The following MPPED2 variants were observed in gnomAD, a reference collection of about 807,000 sequenced individuals.
The protein encoded by MPPED2 is metallophosphoesterase MPPED2.
A neutral mutation model predicts 33.0 loss-of-function variants in MPPED2; 5 were observed. That is an observed-to-expected ratio of 0.15 (90% CI 0.08 to 0.32). The LOEUF is 0.32. Ranked by LOEUF, MPPED2 falls within the 10% of genes least tolerant of loss-of-function variation. The probability of loss-of-function intolerance (pLI) is 1.00; values close to 1 mark genes in which losing one functional copy is unlikely to be tolerated. For synonymous variants in MPPED2, 136 were observed against 141.9 expected, an observed-to-expected ratio of 0.96 and a Z score of 0.29; for missense variants, 275 against 372.1, an observed-to-expected ratio of 0.74 and a Z score of 2.15.
chr11:30,447,527 G>A (rs1184731506), intron 4 of MPPED2, among the ~76,000 whole-genome samples: 1 of 152,154 alleles, frequency 6.6e-6, no homozygotes, highest in African/African-American at 2.4e-5. Context: ...GTTGTAATAG[G>A]AGCCGAGCAG....
intron 4 of MPPED2, among the ~76,000 whole-genome samples, chr11:30,492,676 G>T (rs181131645): frequency 1.3e-4 from 19 of 146,312 alleles, no homozygotes; most frequent in Admixed American, 9.7e-4. Context: ...CCTTTACCAC[G>T]TTCTCACACA....
chr11:30,558,143 C>T (rs1207993536), intron 2 of MPPED2, among the ~76,000 whole-genome samples: 1 of 152,152 alleles, frequency 6.6e-6, no homozygotes, highest in African/African-American at 2.4e-5. Flanking sequence ...TATACACACA[C>T]ACACGTATAT....
intron 6 of MPPED2, among the ~76,000 whole-genome samples, chr11:30,390,110 C>A (rs590045): frequency 6.6e-6 from 1 of 152,058 alleles, no homozygotes; most frequent in African/African-American, 2.4e-5. Flanking sequence ...AGATATTCAA[C>A]TAGATATTTA....
intron 4 of MPPED2, among the ~76,000 whole-genome samples, chr11:30,475,075 A>G (rs1218173448): frequency 1.3e-5 from 2 of 152,210 alleles, no homozygotes; most frequent in East Asian, 3.8e-4. Flanking sequence ...ATGGATAGAT[A>G]TGAAATCTAG....
intron 2 of MPPED2, among the ~76,000 whole-genome samples, chr11:30,545,678 C>T (rs938600209): frequency 3.9e-5 from 6 of 152,110 alleles, no homozygotes; most frequent in African/African-American, 1.4e-4. Context: ...CACAAAGACA[C>T]TGAGACTCAG....
intron 2 of MPPED2, among the ~76,000 whole-genome samples, chr11:30,537,053 G>T (rs949475214): frequency 6.6e-6 from 1 of 152,064 alleles, no homozygotes; most frequent in African/African-American, 2.4e-5. Flanking sequence ...TCAACCCAAA[G>T]CAAAGAAAAT....
chr11:30,543,251 A>G (rs532952848), intron 2 of MPPED2, among the ~76,000 whole-genome samples: 1 of 152,208 alleles, frequency 6.6e-6, no homozygotes, highest in Admixed American at 6.5e-5. Flanking sequence ...GCTTCCACAT[A>G]CAGGTCTCTT....
chr11:30,520,748 A>C (rs2134372387), intron 3 of MPPED2, among the ~76,000 whole-genome samples: 1 of 152,270 alleles, frequency 6.6e-6, no homozygotes, highest in Middle Eastern at 3.4e-3. Flanking sequence ...TTTTACGTTA[A>C]AAAATAGGGG....
chr11:30,428,730 G>C (rs1456764126), intron 4 of MPPED2, among the ~76,000 whole-genome samples: 1 of 152,134 alleles, frequency 6.6e-6, no homozygotes, highest in East Asian at 1.9e-4. Context: ...ATAAAACGGA[G>C]ATAAAAATAG....
intron 2 of MPPED2, among the ~76,000 whole-genome samples, chr11:30,557,067 T>G (rs1279431959): frequency 6.6e-6 from 1 of 151,842 alleles, no homozygotes; most frequent in Admixed American, 6.5e-5. Flanking sequence ...GGCATTACAT[T>G]GAAACATTTT....
chr11:30,531,073 G>A (rs1209295534), intron 3 of MPPED2, among the ~76,000 whole-genome samples: 2 of 152,156 alleles, frequency 1.3e-5, no homozygotes, highest in South Asian at 2.1e-4. Flanking sequence ...TTAACTATTA[G>A]GTGGCAGGGT....
rs142836241 is a variant in MPPED2, at chr11:30,542,189, A to G, written c.129-6014T>C. On this transcript the variant is annotated intron_variant, in intron 2 of 6. Coordinates refer to ENST00000358117, the MANE Select transcript of MPPED2 (RefSeq NM_001584.3). ...GGCCTTTGCCTTACTCACTTGTACT[A>G]GTCCTTAATTTTTGTTAGATGCTTA... is the stretch of plus-strand genomic sequence containing the variant. 5.3e-5 allele frequency among the ~76,000 whole-genome samples: 8 copies of G among 152,260 alleles called. No homozygotes were observed. The East Asian group carries it at 1.5e-3, about 29-fold the overall frequency.
In MPPED2 at chr11:30,584,341, T is replaced by TACACACACACACACAC. The variant is rs142791324; in HGVS notation, c.-122+1685_-122+1700dup. The stretch of plus-strand genomic sequence containing the variant: ...GCGGGGTGGGGGGTGCTTTATGAAC[T>TACACACACACACACAC]ACACACACACACACACACACACACA... On this transcript the variant is annotated intron_variant, in intron 1 of 6. Transcript: ENST00000358117. The TACACACACACACACAC allele has an allele frequency of 2.5e-3, 278 of 111,670 alleles. 1 individual carries two copies. The highest frequency in any genetic ancestry group is 8.5e-3 in the African/African-American group (268 of 31,552). 6.9% of individuals were successfully genotyped at this position (111,670 alleles called of 1,614,324 possible).
Position 30,411,538 on chromosome 11 carries a change from G to A in MPPED2, c.815C>T (p.Thr272Met), listed in dbSNP as rs1434073490. The A allele has an allele frequency of 4.3e-6, 7 of 1,613,794 alleles. No individual in the cohort carries two copies. The highest frequency in any genetic ancestry group is 1.7e-5 in the Admixed American group (1 of 60,000). The change falls in exon 7 of 7, where the codon ACG (threonine) becomes ATG (methionine). Residue 272 changes from threonine to methionine, a missense_variant. By Grantham distance (81) the Thr-to-Met change is moderately conservative. Coordinates refer to ENST00000358117, the MANE Select transcript of MPPED2 (RefSeq NM_001584.3). ...GGTCGGTTGAAAGCTGACTGTACAC[G>A]TCGAGGCATTGATGTACGTTGTGTA... ...DGYTTYINAS[T>M]CTVSFQPTNP...
chr11:30,448,321 C>A (rs1435403683), intron 4 of MPPED2, among the ~76,000 whole-genome samples: 1 of 152,222 alleles, frequency 6.6e-6, no homozygotes, highest in Non-Finnish European at 1.5e-5. Flanking sequence ...AAATCAACAG[C>A]TCCCTGGATT....
At chr11:30,429,051 C>G (rs572615011) in intron 4 of MPPED2, 1 of 152,052 alleles carries the variant, frequency 6.6e-6, no homozygotes, top group Non-Finnish European at 1.5e-5. Context: ...GGGCCAACTG[C>G]GAATAAAAAG....
intron 3 of MPPED2, among the ~76,000 whole-genome samples, chr11:30,529,295 T>A (rs10835681): frequency 0.23 from 34,601 of 152,102 alleles, 4,281 homozygotes; most frequent in East Asian, 0.41. Context: ...TAGTAAGTAA[T>A]TACTTTGGAA....
intron 2 of MPPED2, among the ~76,000 whole-genome samples, chr11:30,538,692 G>A (rs528474161): frequency 6.6e-6 from 1 of 152,080 alleles, no homozygotes; most frequent in South Asian, 2.1e-4. Flanking sequence ...TCAGCTTTGA[G>A]TCCAAAGTAG....
At chr11:30,493,472 T>C (rs2134195676) in intron 4 of MPPED2, among the ~76,000 whole-genome samples, 1 of 152,294 alleles carries the variant, frequency 6.6e-6, no homozygotes, top group Non-Finnish European at 1.5e-5. Flanking sequence ...TGCTTGTCTT[T>C]TTCCAGTCCT....
Sources: gnomAD v4.1 joint callset for allele counts (sites outside exome capture counted in the v4.1 genomes callset) on GRCh38, gnomAD v4.1.1 for gene constraint, MANE v1.5 for transcripts, NCBI Gene and HGNC (gene_info 2026-07-23, HGNC 2026-07-21) for gene names.